Variants in MCHR2 observed in about 807,000 individuals in gnomAD.
MCHR2 encodes melanin-concentrating hormone receptor 2.
MCHR2 carries 15 observed loss-of-function variants against 24.8 expected under a neutral mutation model. That is an observed-to-expected ratio of 0.60 (90% CI 0.40 to 0.93). MCHR2 has a LOEUF of 0.93. Ranked by LOEUF, MCHR2 falls within the 40% of genes least tolerant of loss-of-function variation. MCHR2 has a pLI of 0.00. For missense variants in MCHR2, 386 were observed against 408.7 expected (o/e 0.94, Z 0.48); for synonymous variants, 151 against 147.6 (o/e 1.02, Z -0.17).
rs913308823 is a variant in MCHR2 at position 99,921,208 on chromosome 6, A to G, written c.755T>C (p.Met252Thr). Residue 252 changes from methionine to threonine, a missense_variant, in exon 6 of 6, where the codon ATG becomes ACG. Coordinates refer to ENST00000281806, the MANE Select transcript of MCHR2 (RefSeq NM_001040179.2). ...AAAGACTACCACCAGCACCAGCACC[A>G]TCTTTGTCAACTTCATCACTCTCTG... ...PKQRVMKLTK[M>T]VLVLVVVFIL... The G allele has an allele frequency of 1.2e-6, 2 of 1,614,144 alleles. No individual in the cohort carries two copies. The highest frequency in any genetic ancestry group is 1.1e-5 in the South Asian group (1 of 91,078).
At chr6:99,977,990 C>A (rs1481697217) in intron 1 of MCHR2, among the ~76,000 whole-genome samples, 1 of 152,120 alleles carries the variant, frequency 6.6e-6, no homozygotes, top group Non-Finnish European at 1.5e-5. Context: ...AAAAATTATA[C>A]CCACGAAGTG....
intron 1 of MCHR2, among the ~76,000 whole-genome samples, chr6:99,973,722 T>G (rs1053483601): frequency 6.6e-6 from 1 of 152,254 alleles, no homozygotes; most frequent in Non-Finnish European, 1.5e-5. Context: ...CCATGTTTAG[T>G]GCTTCCTTCA....
intron 1 of MCHR2, among the ~76,000 whole-genome samples, chr6:99,967,843 A>T (rs1331029988): frequency 6.6e-6 from 1 of 152,116 alleles, no homozygotes. Context: ...CTTACATTCT[A>T]TTCAACCTCT....
chr6:99,975,497 G>A (rs964088228), intron 1 of MCHR2, among the ~76,000 whole-genome samples: 1 of 152,184 alleles, frequency 6.6e-6, no homozygotes, highest in African/African-American at 2.4e-5. Context: ...CTAGGAAAGG[G>A]AACTCCCTGA....
intron 1 of MCHR2, among the ~76,000 whole-genome samples, chr6:99,987,174 C>T (rs928307503): frequency 1.2e-4 from 18 of 150,736 alleles, no homozygotes; most frequent in African/African-American, 4.4e-4. Flanking sequence ...GATCTCGGCT[C>T]ACTGCAACCT....
intron 5 of MCHR2, among the ~76,000 whole-genome samples, chr6:99,930,949 T>C (rs1334357941): frequency 1.3e-5 from 2 of 152,162 alleles, no homozygotes; most frequent in Non-Finnish European, 2.9e-5. Context: ...TTCTGCTCTG[T>C]TTTTTCCCCA....
chr6:99,936,312 T>C (rs529605382), intron 4 of MCHR2, among the ~76,000 whole-genome samples: 1 of 152,108 alleles, frequency 6.6e-6, no homozygotes, highest in African/African-American at 2.4e-5. Flanking sequence ...TGTTTTCTTC[T>C]TGTAGTTTTC....
At chr6:99,949,979 G>T (rs1266738304) in intron 2 of MCHR2, among the ~76,000 whole-genome samples, 1 of 151,984 alleles carries the variant, frequency 6.6e-6, no homozygotes, top group Non-Finnish European at 1.5e-5. Flanking sequence ...ATGTGAATTG[G>T]GATATAAACC....
intron 5 of MCHR2, among the ~76,000 whole-genome samples, chr6:99,922,662 A>G (rs543035185): frequency 6.6e-6 from 1 of 152,044 alleles, no homozygotes; most frequent in Admixed American, 6.5e-5. Flanking sequence ...TCCCCAGCGT[A>G]TATGTTCTTG....
chr6:99,928,800 A>G (rs1774432594), intron 5 of MCHR2, among the ~76,000 whole-genome samples: 2 of 152,192 alleles, frequency 1.3e-5, no homozygotes, highest in Admixed American at 1.3e-4. Flanking sequence ...TCCTGGATTA[A>G]TTAATTCTTT....
rs188371656 is a variant in MCHR2 at position 99,933,813 on chromosome 6, T to C, written c.707+585A>G. On this transcript the variant is annotated intron_variant, in intron 5 of 5. Coordinates refer to ENST00000281806, the MANE Select transcript of MCHR2 (RefSeq NM_001040179.2). ...TGACTTATTCATTTGAACAAGTAGA[T>C]TGTGGAATACACAATCTCAAGGTGA... 8.5e-5 allele frequency among the ~76,000 whole-genome samples: 13 copies of C among 152,250 alleles called. 1 individual carries two copies. In the East Asian group the frequency reaches 2.1e-3, roughly 25 times the overall value.
At position 99,926,650 on chromosome 6, in the gene MCHR2, G is replaced by A. The variant is rs566189938; in HGVS notation, c.708-5395C>T. 3.3e-3 allele frequency among the ~76,000 whole-genome samples: 502 copies of A among 152,278 alleles called. 2 individuals are homozygous for A. Among genetic ancestry groups the A allele is most frequent in the African/African-American group, 0.012 (484 of 41,546 alleles). On this transcript the variant is annotated intron_variant, in intron 5 of 5. Transcript: ENST00000281806. ...AAATGTCTTCTTTTGAGAAGTGTCT[G>A]TTCATGTCCTTCGCCCACTTTTTGA... is the stretch of plus-strand genomic sequence containing the variant.
In MCHR2 at chr6:99,923,284, T is replaced by G. The variant is rs528225038; in HGVS notation, c.708-2029A>C. On this transcript the variant is annotated intron_variant, in intron 5 of 5. Coordinates refer to ENST00000281806, the MANE Select transcript of MCHR2 (RefSeq NM_001040179.2). ...TGTTTATCAGTTCTAATAGTTTTTT[T>G]TGTGTGTGGAGTCTTTAGAGTTTTC... Among the ~76,000 whole-genome samples the G allele has an allele frequency of 2.1e-4, 32 of 152,260 alleles. No individual in the cohort carries two copies. The East Asian group carries it at 2.1e-3, about 10-fold the overall frequency.
At chr6:99,987,875 C>A (rs1251472509) in intron 1 of MCHR2, among the ~76,000 whole-genome samples, 2 of 151,846 alleles carry the variant, frequency 1.3e-5, no homozygotes, top group Non-Finnish European at 2.9e-5. Context: ...GATTGGCAGG[C>A]CAATATTGAA....
At chr6:99,939,884 T>G (rs897655062) in intron 4 of MCHR2, among the ~76,000 whole-genome samples, 3 of 151,236 alleles carry the variant, frequency 2.0e-5, no homozygotes, top group Admixed American at 1.3e-4. Flanking sequence ...TTTTTTTTTT[T>G]TTTTTTTCAG....
At chr6:99,984,783 C>T (rs903899578) in intron 1 of MCHR2, among the ~76,000 whole-genome samples, 3 of 152,128 alleles carry the variant, frequency 2.0e-5, no homozygotes, top group African/African-American at 7.2e-5. Context: ...AGGATGCCCA[C>T]TTTCACCACT....
intron 1 of MCHR2, among the ~76,000 whole-genome samples, chr6:99,967,021 G>A (rs1775307355): frequency 6.6e-6 from 1 of 151,948 alleles, no homozygotes; most frequent in Non-Finnish European, 1.5e-5. Context: ...AAAGAAAAAA[G>A]TACTTTTTTT....
At chr6:99,965,187 T>C (rs1418736111) in intron 1 of MCHR2, among the ~76,000 whole-genome samples, 1 of 152,146 alleles carries the variant, frequency 6.6e-6, no homozygotes, top group Non-Finnish European at 1.5e-5. Context: ...CAGTCTAACA[T>C]CTGACCATAT....
At chr6:99,951,961 T>C (rs1459661684) in intron 2 of MCHR2, among the ~76,000 whole-genome samples, 1 of 151,994 alleles carries the variant, frequency 6.6e-6, no homozygotes, top group Non-Finnish European at 1.5e-5. Context: ...TAGGGCACCT[T>C]TTATAGAGAC....
Sources: allele counts gnomAD v4.1 joint callset (sites outside exome capture counted in the v4.1 genomes callset), GRCh38; gene constraint gnomAD v4.1.1; transcripts MANE v1.5; gene names NCBI Gene and HGNC (gene_info 2026-07-23, HGNC 2026-07-21).